CYTH1: variants seen among roughly 807,000 people sequenced by gnomAD.
The protein encoded by CYTH1 is cytohesin 1, also known as cytohesin-1.
CYTH1 carries 18 observed loss-of-function variants against 61.8 expected under a neutral mutation model. The observed-to-expected ratio is 0.29, with a 90% confidence interval of 0.20 to 0.43. The LOEUF is 0.43. Among genes scored for constraint, CYTH1 ranks in the 20% least tolerant of loss-of-function variants. The probability of loss-of-function intolerance (pLI) is 1.00; values close to 1 mark genes in which losing one functional copy is unlikely to be tolerated. For synonymous variants in CYTH1, 174 were observed against 184.3 expected (o/e 0.94, Z 0.45); for missense variants, 336 against 510.5 (o/e 0.66, Z 3.29).
At chr17:78,694,328 A>G (rs896371211) in intron 10 of CYTH1, among the ~76,000 whole-genome samples, 3 of 152,244 alleles carry the variant, frequency 2.0e-5, no homozygotes, top group African/African-American at 4.8e-5. Flanking sequence ...ATCCTGTGCT[A>G]TATCAAGCAA....
intron 1 of CYTH1, among the ~76,000 whole-genome samples, chr17:78,762,613 G>GA (rs2093433324): frequency 6.6e-6 from 1 of 152,290 alleles, no homozygotes; most frequent in African/African-American, 2.4e-5. Context: ...ATTGCAGATG[G>GA]AATTACATCT....
At chr17:78,703,008 A>C (rs906963252) in intron 3 of CYTH1, among the ~76,000 whole-genome samples, 11 of 150,752 alleles carry the variant, frequency 7.3e-5, no homozygotes, top group Admixed American at 6.6e-4. Flanking sequence ...CTAGTCTCAA[A>C]CTCTTGGGCT....
chr17:78,756,604 T>C (rs1223841078), intron 1 of CYTH1, among the ~76,000 whole-genome samples: 1 of 152,012 alleles, frequency 6.6e-6, no homozygotes, highest in Non-Finnish European at 1.5e-5. Context: ...TGAGACCCCA[T>C]CTAAAAAACA....
chr17:78,691,807 C>G (rs1458120325), intron 11 of CYTH1: 1 of 152,232 alleles, frequency 6.6e-6, no homozygotes, highest in Non-Finnish European at 1.5e-5. Context: ...TTTTTACTTT[C>G]TTTGGCTATT....
At chr17:78,680,367 A>G (rs2092747322) in intron 12 of CYTH1, 23 bp from the exon 13 acceptor site, 7 of 1,600,544 alleles carry the variant, frequency 4.4e-6, no homozygotes, top group Middle Eastern at 1.7e-4. Flanking sequence ...ACAGAGAGGG[A>G]GAGAGTGGAG....
intron 3 of CYTH1, among the ~76,000 whole-genome samples, chr17:78,705,968 G>A (rs756370798): frequency 5.3e-5 from 8 of 152,156 alleles, no homozygotes; most frequent in Non-Finnish European, 1.0e-4. Flanking sequence ...TGCAGACACC[G>A]GAATATACAG....
intron 1 of CYTH1, among the ~76,000 whole-genome samples, chr17:78,713,237 C>G (rs1235231343): frequency 6.6e-6 from 1 of 152,032 alleles, no homozygotes; most frequent in Admixed American, 6.6e-5. Flanking sequence ...GCAGTTCACT[C>G]TGATTTTTCT....
intron 1 of CYTH1, among the ~76,000 whole-genome samples, chr17:78,778,560 C>T (rs1323292152): frequency 6.8e-6 from 1 of 147,176 alleles, no homozygotes; most frequent in Admixed American, 7.0e-5. Flanking sequence ...ATCACTTGAA[C>T]CCAGCAGGCA....
At chr17:78,678,687 C>T (rs1416958301) in intron 13 of CYTH1, among the ~76,000 whole-genome samples, 2 of 152,182 alleles carry the variant, frequency 1.3e-5, no homozygotes, top group African/African-American at 2.4e-5. Flanking sequence ...ACCGTGGCAC[C>T]GCGTCTGCTC....
chr17:78,727,320 T>C (rs1033534606), intron 1 of CYTH1, among the ~76,000 whole-genome samples: 2 of 152,206 alleles, frequency 1.3e-5, no homozygotes, highest in Non-Finnish European at 2.9e-5. Context: ...GGGTTTTTTT[T>C]ACTTTTTTCT....
intron 1 of CYTH1, among the ~76,000 whole-genome samples, chr17:78,757,141 G>T (rs902077493): frequency 1.3e-5 from 2 of 151,842 alleles, no homozygotes. Context: ...GTAGAGACAA[G>T]GTTTCACTGT....
intron 1 of CYTH1, among the ~76,000 whole-genome samples, chr17:78,712,195 AAG>A (rs905980238): frequency 1.9e-4 from 28 of 149,688 alleles, no homozygotes; most frequent in Non-Finnish European, 1.5e-4. Context: ...GAGAGAGAGA[AAG>A]AGAGAGAGAA....
intron 1 of CYTH1, among the ~76,000 whole-genome samples, chr17:78,747,865 T>C (rs75968107): frequency 0.014 from 2,108 of 152,300 alleles, 49 homozygotes; most frequent in African/African-American, 0.048. Flanking sequence ...TAAAATTTTG[T>C]GTTGTATAGG....
intron 1 of CYTH1, among the ~76,000 whole-genome samples, chr17:78,767,643 C>A (rs182044823): frequency 6.7e-6 from 1 of 149,366 alleles, no homozygotes; most frequent in East Asian, 2.0e-4. Context: ...AGATGGGAAA[C>A]AATTTAAATG....
rs201874912 is a variant in CYTH1, at chr17:78,711,304, T to A, written c.23-1572A>T. Among the ~76,000 whole-genome samples the A allele has an allele frequency of 2.9e-4, 16 of 54,792 alleles. No homozygotes were observed. In the South Asian group the frequency reaches 5.9e-3, roughly 20 times the overall value. The allele number at this position is 54,792 out of a possible 152,430, so 35.9% of individuals were successfully genotyped here. A position where few individuals can be genotyped will look rare whatever the true frequency, so the allele number is the denominator to read the frequency against. ...AATAAATAAATAAATAAATAAATAATATATATATATACACACACACACACA... is the reference window on the plus strand; with the variant it reads ...AATAAATAAATAAATAAATAAATAAAATATATATATACACACACACACACA... On this transcript the variant is annotated intron_variant, in intron 1 of 13. Transcript: ENST00000446868.
At chr17:78,779,400 CAAAAAAAAAAAA>C (rs56061178) in intron 1 of CYTH1, among the ~76,000 whole-genome samples, 4 of 84,174 alleles carry the variant, frequency 4.8e-5, no homozygotes, top group South Asian at 8.3e-4. Context: ...AACTCCATCT[CAAAAAAAAAAAA>C]AAAAAAAAAA....
chr17:78,680,583 G>T (rs962093018), intron 12 of CYTH1, among the ~76,000 whole-genome samples: 1 of 152,146 alleles, frequency 6.6e-6, no homozygotes, highest in East Asian at 1.9e-4. Flanking sequence ...TGCAATGTAC[G>T]TAAAATGCGG....
intron 1 of CYTH1, among the ~76,000 whole-genome samples, chr17:78,773,153 TTA>T (rs1381359486): frequency 6.6e-6 from 1 of 151,872 alleles, no homozygotes; most frequent in Non-Finnish European, 1.5e-5. Context: ...CAGTTTATCA[TTA>T]TAACCCAGAC....
At chr17:78,738,705 T>C (rs185064166) in intron 1 of CYTH1, among the ~76,000 whole-genome samples, 259 of 152,278 alleles carry the variant, frequency 1.7e-3, no homozygotes, top group Non-Finnish European at 2.3e-3. Flanking sequence ...TATGTCAAAA[T>C]CACAGTTGTA....
Sources: gnomAD v4.1 joint callset for allele counts (sites outside exome capture counted in the v4.1 genomes callset) on GRCh38, gnomAD v4.1.1 for gene constraint, MANE v1.5 for transcripts, NCBI Gene and HGNC (gene_info 2026-07-23, HGNC 2026-07-21) for gene names.